The following CEP112 variants were observed in gnomAD, a reference collection of about 807,000 sequenced individuals.
CEP112 encodes the protein centrosomal protein of 112 kDa.
CEP112 carries 127 observed loss-of-function variants against 153.0 expected under a neutral mutation model. The observed-to-expected ratio is 0.83, with a 90% CI of 0.72 to 0.96. The LOEUF (loss-of-function observed/expected upper bound fraction) is 0.96, where lower values mean the gene tolerates loss of function less well. Among genes scored for constraint, CEP112 ranks in the 40% least tolerant of loss-of-function variants. CEP112 has a pLI of 0.00. For synonymous variants in CEP112, 358 were observed against 374.4 expected, an observed-to-expected ratio of 0.96 and a Z score of 0.51; for missense variants, 1,089 against 1,101.2, an observed-to-expected ratio of 0.99 and a Z score of 0.16.
In CEP112 at chr17:66,029,225, G is replaced by T; in HGVS notation, c.1401C>A (p.Asp467Glu). Residue 467 changes from aspartate to glutamate, a missense_variant, in exon 14 of 27, where the codon GAC becomes GAA. Physicochemically the swap from Asp to Glu is conservative, Grantham distance 45 (BLOSUM62 2). Transcript: ENST00000535342. ...TTTGCTCATAATCATTTACAAGATG[G>T]TCCTTCTCTTTATGCAGTGTGTTAC... ...ARRNTLHKEK[D>E]HLVNDYEQNM... is the part of the protein sequence containing the mutation. 1 of 1,611,548 alleles carries T rather than the reference G, an allele frequency of 6.2e-7. No individual in the cohort carries two copies. The highest frequency in any genetic ancestry group is 8.5e-7 in the Non-Finnish European group (1 of 1,178,312).
chr17:65,961,656 A>T, intron 17 of CEP112, 58 bp from the exon 18 acceptor site: 1 of 1,479,396 alleles, frequency 6.8e-7, no homozygotes, highest in Non-Finnish European at 9.2e-7. Flanking sequence ...GCCTGAATGA[A>T]AGAACAATAT....
At chr17:65,678,267 T>C (rs189684219) in intron 24 of CEP112, among the ~76,000 whole-genome samples, 1 of 152,282 alleles carries the variant, frequency 6.6e-6, no homozygotes, top group African/African-American at 2.4e-5. Context: ...TGTGGGAACA[T>C]AAACATATAT....
Position 66,164,886 on chromosome 17 carries a change from A to ATGTGTGTG in CEP112, c.470+10150_470+10157dup, listed in dbSNP as rs57252258. On this transcript the variant is annotated intron_variant, in intron 4 of 26. Transcript: ENST00000535342. ...AATATATATATATATACACACATAT[A>ATGTGTGTG]TGTGTGTGTGTGTGTGTGTGTGTGT... Among the ~76,000 whole-genome samples, 650 of 137,584 alleles carry ATGTGTGTG rather than the reference A, an allele frequency of 4.7e-3. 4 individuals are homozygous for ATGTGTGTG. Among genetic ancestry groups the ATGTGTGTG allele is most frequent in the Non-Finnish European group, 6.6e-3 (426 of 64,500 alleles). 90.3% of individuals were successfully genotyped at this position (137,584 alleles called of 152,430 possible).
intron 23 of CEP112, among the ~76,000 whole-genome samples, chr17:65,694,806 T>C (rs2048281610): frequency 6.6e-6 from 1 of 152,186 alleles, no homozygotes; most frequent in South Asian, 2.1e-4. Context: ...GTGTCATCCT[T>C]ATTCAAAAAA....
intron 12 of CEP112, 148 bp downstream of exon 12, chr17:66,053,588 A>T: frequency 1.5e-6 from 1 of 660,426 alleles, no homozygotes. Context: ...CCATGGCCAC[A>T]CATAAATCTG....
intron 12 of CEP112, among the ~76,000 whole-genome samples, chr17:66,034,991 T>C (rs1418777368): frequency 1.9e-5 from 1 of 51,656 alleles, no homozygotes; most frequent in African/African-American, 4.7e-5. Flanking sequence ...TATATATATA[T>C]ACATATATAT....
intron 3 of CEP112, among the ~76,000 whole-genome samples, chr17:66,176,145 C>T (rs1290750441): frequency 6.6e-6 from 1 of 152,186 alleles, no homozygotes; most frequent in Admixed American, 6.5e-5. Context: ...TTTTAAAATA[C>T]ATGACACAAG....
At chr17:65,695,822 C>T (rs1408236294) in intron 23 of CEP112, among the ~76,000 whole-genome samples, 2 of 152,188 alleles carry the variant, frequency 1.3e-5, no homozygotes, top group Non-Finnish European at 2.9e-5. Context: ...AGCTCCATTC[C>T]AGCAACCCAA....
intron 1 of CEP112, among the ~76,000 whole-genome samples, chr17:66,188,622 A>G (rs1340755211): frequency 6.6e-6 from 1 of 150,652 alleles, no homozygotes; most frequent in Non-Finnish European, 1.5e-5. Flanking sequence ...ATTATTATGC[A>G]TACATCTTCC....
chr17:65,887,082 T>A (rs1280360696), intron 20 of CEP112, among the ~76,000 whole-genome samples: 1 of 151,782 alleles, frequency 6.6e-6, no homozygotes, highest in Non-Finnish European at 1.5e-5. Context: ...AAGTCTCTAG[T>A]GAGTAGTAGC....
intron 22 of CEP112, among the ~76,000 whole-genome samples, chr17:65,745,828 A>G (rs1299497334): frequency 6.6e-6 from 1 of 152,192 alleles, no homozygotes; most frequent in African/African-American, 2.4e-5. Flanking sequence ...CTGACCAAAG[A>G]ATAAAGATAA....
At chr17:65,778,583 T>C (rs1293892018) in intron 21 of CEP112, among the ~76,000 whole-genome samples, 1 of 152,082 alleles carries the variant, frequency 6.6e-6, no homozygotes, top group Non-Finnish European at 1.5e-5. Context: ...TGAAAAATAC[T>C]GTTTAATGAA....
intron 19 of CEP112, among the ~76,000 whole-genome samples, chr17:65,910,985 C>T (rs1366155587): frequency 6.6e-6 from 1 of 152,124 alleles, no homozygotes; most frequent in Non-Finnish European, 1.5e-5. Context: ...AATGTTTGCA[C>T]CAAAAGGCAA....
chr17:65,789,052 C>T (rs911986976), intron 21 of CEP112, among the ~76,000 whole-genome samples: 1 of 152,106 alleles, frequency 6.6e-6, no homozygotes, highest in Non-Finnish European at 1.5e-5. Context: ...CTTCCAAATT[C>T]ATCCCTAGCC....
intron 22 of CEP112, among the ~76,000 whole-genome samples, chr17:65,749,995 T>G (rs1446975126): frequency 2.0e-5 from 3 of 152,186 alleles, no homozygotes; most frequent in Non-Finnish European, 4.4e-5. Context: ...CTTATACAAG[T>G]AAGGAATACT....
At chr17:65,674,697 A>G (rs1231536721) in intron 24 of CEP112, among the ~76,000 whole-genome samples, 2 of 152,266 alleles carry the variant, frequency 1.3e-5, no homozygotes, top group Admixed American at 1.3e-4. Flanking sequence ...ATTCAAGATT[A>G]CAAGTGCCAC....
intron 21 of CEP112, among the ~76,000 whole-genome samples, chr17:65,804,655 G>A (rs527356221): frequency 6.0e-4 from 91 of 152,068 alleles, no homozygotes; most frequent in Middle Eastern, 3.4e-3. Flanking sequence ...ATTATATAGA[G>A]GGTAAATATA....
At chr17:65,752,282 G>A (rs1388867301) in intron 21 of CEP112, among the ~76,000 whole-genome samples, 1 of 152,076 alleles carries the variant, frequency 6.6e-6, no homozygotes, top group African/African-American at 2.4e-5. Context: ...CTGGATAGAA[G>A]AATCTTGCAT....
At chr17:66,164,643 G>A (rs1488863394) in intron 4 of CEP112, among the ~76,000 whole-genome samples, 1 of 149,640 alleles carries the variant, frequency 6.7e-6, no homozygotes, top group Non-Finnish European at 1.5e-5. Flanking sequence ...GGATCACAAC[G>A]TCAGGCATTC....
Sources: gnomAD v4.1 joint callset for allele counts (sites outside exome capture counted in the v4.1 genomes callset) on GRCh38, gnomAD v4.1.1 for gene constraint, MANE v1.5 for transcripts, NCBI Gene and HGNC (gene_info 2026-07-23, HGNC 2026-07-21) for gene names.